The following IL1RAPL1 variants were observed in gnomAD, a reference collection of about 807,000 sequenced individuals.
IL1RAPL1 encodes interleukin 1 receptor accessory protein like 1.
A neutral mutation model predicts 48.4 loss-of-function variants in IL1RAPL1; 3 were observed. The observed-to-expected ratio is 0.06, with a 90% CI of 0.03 to 0.16. The LOEUF is 0.16. Ranked by LOEUF, IL1RAPL1 falls within the 10% of genes least tolerant of loss-of-function variation. IL1RAPL1 has a pLI of 1.00. For missense variants in IL1RAPL1, 349 were observed against 530.6 expected, an observed-to-expected ratio of 0.66 and a Z score of 3.36; for synonymous variants, 185 against 187.7, an observed-to-expected ratio of 0.99 and a Z score of 0.12.
chrX:29,190,361 T>C (rs1439860783), intron 2 of IL1RAPL1, among the ~76,000 whole-genome samples: 1 of 111,950 alleles, frequency 8.9e-6, no homozygotes, highest in African/African-American at 3.2e-5. Context: ...GTTTCATTGG[T>C]TGACTCTCCA....
intron 5 of IL1RAPL1, among the ~76,000 whole-genome samples, chrX:29,463,551 T>C (rs948214807): frequency 9.0e-6 from 1 of 111,661 alleles, no homozygotes; most frequent in Non-Finnish European, 1.9e-5. Context: ...CTGGACTTAC[T>C]TGGGGTTTAA....
At chrX:29,153,701 G>A (rs1488227701) in intron 2 of IL1RAPL1, among the ~76,000 whole-genome samples, 4 of 112,240 alleles carry the variant, frequency 3.6e-5, no homozygotes, top group African/African-American at 1.3e-4. Flanking sequence ...TATCATAGCT[G>A]ATTAGAAAGT....
Position 29,596,802 on chromosome X carries a change from G to A in IL1RAPL1, c.704-71628G>A, listed in dbSNP as rs959968056. Among the ~76,000 whole-genome samples the A allele has an allele frequency of 2.7e-5, 3 of 111,686 alleles. 1 individual carries two copies. The highest frequency in any genetic ancestry group is 3.7e-4 in the South Asian group (1 of 2,697). ...AGTGGTGAGAGTGGGTATCCTTATC[G>A]TGTTCCAGCTCTTGTGCAGAATGCT... On this transcript the variant is annotated intron_variant, in intron 5 of 10. Transcript: ENST00000378993.
intron 2 of IL1RAPL1, among the ~76,000 whole-genome samples, chrX:29,111,749 T>C (rs1320714950): frequency 2.7e-5 from 3 of 111,140 alleles, no homozygotes; most frequent in Non-Finnish European, 5.7e-5. Flanking sequence ...TCCTTAATAT[T>C]GTTCTAAAGC....
chrX:28,904,483 C>T, intron 2 of IL1RAPL1, among the ~76,000 whole-genome samples: 1 of 111,941 alleles, frequency 8.9e-6, no homozygotes, highest in East Asian at 2.8e-4. Flanking sequence ...TAACATCTGG[C>T]ACAATAAATC....
chrX:28,857,267 A>G (rs1349408513), intron 2 of IL1RAPL1, among the ~76,000 whole-genome samples: 2 of 112,424 alleles, frequency 1.8e-5, no homozygotes, highest in Non-Finnish European at 3.8e-5. Flanking sequence ...GTGTGAGGTG[A>G]AGCAGCAAGA....
intron 6 of IL1RAPL1, among the ~76,000 whole-genome samples, chrX:29,896,122 T>TGGAA (rs764166047): frequency 1.5e-4 from 17 of 111,617 alleles, no homozygotes; most frequent in Non-Finnish European, 3.0e-4. Flanking sequence ...TCAATTTTAG[T>TGGAA]GGAAGGCTAT....
At chrX:29,563,037 T>TA (rs776647936) in intron 5 of IL1RAPL1, among the ~76,000 whole-genome samples, 8 of 111,405 alleles carry the variant, frequency 7.2e-5, no homozygotes, top group African/African-American at 2.6e-4. Context: ...TGACCCTACT[T>TA]AAAAAAAATT....
rs769558773 is a variant in IL1RAPL1, at chrX:29,143,486, C to G, written c.83-139452C>G. ...TTAAACAGAAAATTCCAGAACCAAACGGTGCACGATTCTGAGTAGTGTGAT... is the reference window on the plus strand; with the variant it reads ...TTAAACAGAAAATTCCAGAACCAAAGGGTGCACGATTCTGAGTAGTGTGAT... On this transcript the variant is annotated intron_variant, in intron 2 of 10. Coordinates refer to ENST00000378993, the MANE Select transcript of IL1RAPL1 (RefSeq NM_014271.4). Among the ~76,000 whole-genome samples, 5 of 111,721 alleles carry G rather than the reference C, an allele frequency of 4.5e-5. No homozygotes were observed. The East Asian group carries it at 8.5e-4, about 19-fold the overall frequency.
intron 2 of IL1RAPL1, among the ~76,000 whole-genome samples, chrX:28,834,550 C>T (rs1921154931): frequency 9.0e-6 from 1 of 110,737 alleles, no homozygotes; most frequent in Middle Eastern, 4.2e-3. Context: ...GTATATTATG[C>T]ATTAATATGC....
rs900440804 is a variant in IL1RAPL1 at position 29,534,095 on chromosome X, C to T, written c.704-134335C>T. Among the ~76,000 whole-genome samples, 3 of 111,979 alleles carry T rather than the reference C, an allele frequency of 2.7e-5. No homozygotes were observed. In the Admixed American group the frequency reaches 2.8e-4, roughly 11 times the overall value. Reference sequence around the variant, plus strand: ...CAAAAGCTGGTCTCATGTTCTTGTACTTTCCAGCCTTCAGAAATTGAGCCA... The same window carrying T: ...CAAAAGCTGGTCTCATGTTCTTGTATTTTCCAGCCTTCAGAAATTGAGCCA... On this transcript the variant is annotated intron_variant, in intron 5 of 10. Transcript: ENST00000378993.
At chrX:29,741,922 C>CAA (rs754527676) in intron 6 of IL1RAPL1, among the ~76,000 whole-genome samples, 4 of 25,719 alleles carry the variant, frequency 1.6e-4, no homozygotes, top group South Asian at 2.5e-3. Flanking sequence ...GAGACTCCGT[C>CAA]AAAAAAAAAA....
intron 2 of IL1RAPL1, among the ~76,000 whole-genome samples, chrX:29,072,917 C>T (rs1927595722): frequency 8.9e-6 from 1 of 112,016 alleles, no homozygotes; most frequent in Admixed American, 9.5e-5. Context: ...GGAGGGCAAA[C>T]TAGACCATCT....
chrX:29,584,776 G>T (rs1451181557), intron 5 of IL1RAPL1, among the ~76,000 whole-genome samples: 1 of 111,167 alleles, frequency 9.0e-6, no homozygotes, highest in Non-Finnish European at 1.9e-5. Context: ...TCTAGTCTTG[G>T]CTCCTGGACT....
intron 2 of IL1RAPL1, among the ~76,000 whole-genome samples, chrX:28,987,426 G>A (rs944013401): frequency 1.8e-5 from 2 of 111,943 alleles, no homozygotes; most frequent in African/African-American, 3.2e-5. Context: ...TCCCTTATCT[G>A]GGTTAAATGC....
At chrX:29,064,010 T>C (rs780793742) in intron 2 of IL1RAPL1, among the ~76,000 whole-genome samples, 34 of 111,891 alleles carry the variant, frequency 3.0e-4, no homozygotes, top group African/African-American at 1.0e-3. Flanking sequence ...GGTACACCTA[T>C]AGAAAGATGA....
chrX:29,656,176 T>C (rs180933673), intron 5 of IL1RAPL1, among the ~76,000 whole-genome samples: 11 of 113,198 alleles, frequency 9.7e-5, no homozygotes, highest in Non-Finnish European at 1.9e-5. Flanking sequence ...TGTAAATATA[T>C]GTTCAGTAAT....
At chrX:29,025,478 T>C (rs1602017475) in intron 2 of IL1RAPL1, among the ~76,000 whole-genome samples, 1 of 111,619 alleles carries the variant, frequency 9.0e-6, no homozygotes, top group South Asian at 3.7e-4. Context: ...GTTCATCTCA[T>C]GTTCATGGCC....
intron 3 of IL1RAPL1, among the ~76,000 whole-genome samples, chrX:29,333,477 C>T (rs1303759403): frequency 5.2e-5 from 4 of 76,972 alleles, no homozygotes; most frequent in Non-Finnish European, 7.7e-5. Context: ...CCAGTAGGGG[C>T]GGCCGGGCAG....
Sources: gnomAD v4.1 joint callset for allele counts (sites outside exome capture counted in the v4.1 genomes callset) on GRCh38, gnomAD v4.1.1 for gene constraint, MANE v1.5 for transcripts, NCBI Gene and HGNC (gene_info 2026-07-23, HGNC 2026-07-21) for gene names.